NR3C2: variants seen among roughly 807,000 people sequenced by gnomAD.
The protein encoded by NR3C2 is mineralocorticoid receptor.
Under a neutral mutation model 86.4 loss-of-function variants are expected in NR3C2, and 15 were observed. That is an observed-to-expected ratio of 0.17 (90% CI 0.12 to 0.27). The LOEUF is 0.27. NR3C2 is among the 10% of genes least tolerant of loss of function. The probability of loss-of-function intolerance (pLI) is 1.00; values close to 1 mark genes in which losing one functional copy is unlikely to be tolerated. For missense variants in NR3C2, 960 were observed against 1,195.6 expected, an observed-to-expected ratio of 0.80 and a Z score of 2.91; for synonymous variants, 458 against 450.5, an observed-to-expected ratio of 1.02 and a Z score of -0.21.
chr4:148,387,040 A>T (rs560081015), intron 2 of NR3C2, among the ~76,000 whole-genome samples: 1 of 152,186 alleles, frequency 6.6e-6, no homozygotes, highest in Non-Finnish European at 1.5e-5. Context: ...TAAATATCTC[A>T]ACCTCACTGC....
intron 2 of NR3C2, among the ~76,000 whole-genome samples, chr4:148,378,878 T>A (rs988811425): frequency 6.6e-6 from 1 of 152,178 alleles, no homozygotes; most frequent in Non-Finnish European, 1.5e-5. Flanking sequence ...AAAGGATACA[T>A]TGCACCATGA....
chr4:148,432,995 T>C (rs964387614), intron 2 of NR3C2, among the ~76,000 whole-genome samples: 13 of 152,168 alleles, frequency 8.5e-5, no homozygotes, highest in Non-Finnish European at 1.3e-4. Context: ...ATAAGCAGAA[T>C]GAATCCCTGT....
intron 2 of NR3C2, among the ~76,000 whole-genome samples, chr4:148,326,854 A>AT (rs1445223205): frequency 6.6e-6 from 1 of 152,164 alleles, no homozygotes. Flanking sequence ...AAATATTTTT[A>AT]TTTTTTCCCA....
At chr4:148,175,961 A>G (rs1735357509) in intron 4 of NR3C2, among the ~76,000 whole-genome samples, 1 of 152,276 alleles carries the variant, frequency 6.6e-6, no homozygotes, top group African/African-American at 2.4e-5. Context: ...CCTAAGCGAC[A>G]GCAAGATTCC....
chr4:148,321,553 T>C (rs1017207697), intron 2 of NR3C2, among the ~76,000 whole-genome samples: 5 of 152,164 alleles, frequency 3.3e-5, no homozygotes, highest in East Asian at 1.9e-4. Context: ...TTCATGAATC[T>C]TGGTGCTCCT....
chr4:148,107,163 A>G (rs1486044830), intron 8 of NR3C2, among the ~76,000 whole-genome samples: 1 of 152,218 alleles, frequency 6.6e-6, no homozygotes, highest in Non-Finnish European at 1.5e-5. Context: ...CAAATTTACA[A>G]GAAAAAAAAC....
intron 3 of NR3C2, 42 bp from the exon 4 acceptor site, chr4:148,194,904 C>G (rs1194556176): frequency 1.5e-6 from 2 of 1,348,896 alleles, no homozygotes; most frequent in Non-Finnish European, 2.1e-6. Context: ...ATAGAGTACA[C>G]TAGTACAAAA....
intron 2 of NR3C2, among the ~76,000 whole-genome samples, chr4:148,350,081 T>C (rs1745196385): frequency 6.6e-6 from 1 of 152,204 alleles, no homozygotes; most frequent in African/African-American, 2.4e-5. Flanking sequence ...TTGTCCCAGG[T>C]GCTTTATGCT....
intron 4 of NR3C2, among the ~76,000 whole-genome samples, chr4:148,160,272 A>C (rs1215196159): frequency 6.6e-5 from 10 of 152,140 alleles, no homozygotes; most frequent in Non-Finnish European, 1.3e-4. Flanking sequence ...ACCAACCTGC[A>C]AAAGAGCAGG....
chr4:148,364,849 T>C (rs1746030843), intron 2 of NR3C2, among the ~76,000 whole-genome samples: 2 of 149,066 alleles, frequency 1.3e-5, no homozygotes, highest in South Asian at 2.1e-4. Flanking sequence ...GGCACAAACA[T>C]AATGAGATAT....
At chr4:148,296,104 G>A (rs1054092936) in intron 2 of NR3C2, among the ~76,000 whole-genome samples, 7 of 142,036 alleles carry the variant, frequency 4.9e-5, no homozygotes, top group African/African-American at 1.8e-4. Context: ...GGCAGACCAA[G>A]AGTGAACTTA....
chr4:148,419,319 TG>T (rs1303095580), intron 2 of NR3C2, among the ~76,000 whole-genome samples: 1 of 152,162 alleles, frequency 6.6e-6, no homozygotes, highest in African/African-American at 2.4e-5. Flanking sequence ...CTGGGGCTCA[TG>T]GGTTCATGAA....
chr4:148,337,487 G>T (rs1021964561), intron 2 of NR3C2, among the ~76,000 whole-genome samples: 1 of 152,138 alleles, frequency 6.6e-6, no homozygotes, highest in East Asian at 1.9e-4. Context: ...ATTTTAAGCA[G>T]GGATGCTACA....
chr4:148,429,497 C>T (rs1749701258), intron 2 of NR3C2, among the ~76,000 whole-genome samples: 1 of 152,172 alleles, frequency 6.6e-6, no homozygotes, highest in African/African-American at 2.4e-5. Context: ...AAAATACAAA[C>T]AATTTCCACC....
At chr4:148,160,721 A>ATT (rs1272653443) in intron 4 of NR3C2, among the ~76,000 whole-genome samples, 1 of 152,120 alleles carries the variant, frequency 6.6e-6, no homozygotes, top group Admixed American at 6.6e-5. Context: ...AAATATATAT[A>ATT]TTTTCTGTTC....
chr4:148,097,035 T>C (rs552612978), intron 8 of NR3C2, among the ~76,000 whole-genome samples: 17 of 152,350 alleles, frequency 1.1e-4, no homozygotes, highest in South Asian at 4.1e-4. Flanking sequence ...TACTAAAACG[T>C]TGGGGAAAAG....
chr4:148,106,677 T>A (rs1731814263), intron 8 of NR3C2, among the ~76,000 whole-genome samples: 1 of 152,026 alleles, frequency 6.6e-6, no homozygotes, highest in African/African-American at 2.4e-5. Context: ...TATAGACCAA[T>A]GGAACAGAAC....
At chr4:148,190,574 C>A (rs1736148392) in intron 4 of NR3C2, among the ~76,000 whole-genome samples, 1 of 152,122 alleles carries the variant, frequency 6.6e-6, no homozygotes, top group African/African-American at 2.4e-5. Context: ...TAGTTTAAAT[C>A]CATTGTTTCT....
intron 2 of NR3C2, among the ~76,000 whole-genome samples, chr4:148,269,950 A>G (rs1740592360): frequency 6.6e-6 from 1 of 152,166 alleles, no homozygotes; most frequent in African/African-American, 2.4e-5. Flanking sequence ...TCCCCCTTTA[A>G]TATTATCCTT....
Sources: gnomAD v4.1 joint callset for allele counts (sites outside exome capture counted in the v4.1 genomes callset) on GRCh38, gnomAD v4.1.1 for gene constraint, MANE v1.5 for transcripts, NCBI Gene and HGNC (gene_info 2026-07-23, HGNC 2026-07-21) for gene names.